The following ZFYVE9 variants were observed in gnomAD, a reference collection of about 807,000 sequenced individuals.
ZFYVE9 encodes zinc finger FYVE-type containing 9, also known as zinc finger FYVE domain-containing protein 9.
Under a neutral mutation model 126.7 loss-of-function variants are expected in ZFYVE9, and 43 were observed. That is an observed-to-expected ratio of 0.34 (90% CI 0.27 to 0.44). The LOEUF (loss-of-function observed/expected upper bound fraction) is 0.44, where lower values mean the gene tolerates loss of function less well. ZFYVE9 is among the 20% of genes least tolerant of loss of function. The pLI is 1.00. For synonymous variants in ZFYVE9, 521 were observed against 597.4 expected, an observed-to-expected ratio of 0.87 and a Z score of 1.87; for missense variants, 1,476 against 1,697.0, an observed-to-expected ratio of 0.87 and a Z score of 2.29.
rs1034956568 is a variant in ZFYVE9, at chr1:52,346,463, A to G, written c.*242A>G. Reference sequence around the variant, plus strand: ...AGATCTGGGCAGCTTCTGTTCCTGCACAACAGTTATGCTATCCTTGCAGCT... The same window carrying G: ...AGATCTGGGCAGCTTCTGTTCCTGCGCAACAGTTATGCTATCCTTGCAGCT... On this transcript the variant is annotated 3_prime_UTR_variant, in exon 19 of 19. Transcript: ENST00000287727. 1.3e-5 allele frequency: 6 copies of G among 448,700 alleles called. No individual in the cohort carries two copies. The highest frequency in any genetic ancestry group is 7.9e-5 in the African/African-American group (4 of 50,788). The allele number at this position is 448,700 out of a possible 1,614,324, so 27.8% of individuals were successfully genotyped here.
chr1:52,163,725 A>G (rs942891580), intron 1 of ZFYVE9, among the ~76,000 whole-genome samples: 18 of 152,250 alleles, frequency 1.2e-4, no homozygotes, highest in Non-Finnish European at 2.2e-4. Context: ...GGTGGCTCAC[A>G]TCTGTAATCC....
rs183186465 is a variant in ZFYVE9, at chr1:52,247,533, G to A, written c.2178+7938G>A. On this transcript the variant is annotated intron_variant, in intron 4 of 18. Coordinates refer to ENST00000287727, the MANE Select transcript of ZFYVE9 (RefSeq NM_004799.4). ...TTTTTTTGAGACGGAGTCTCGCTTC[G>A]TTGCCCAGGCTGGAGTGCAGTGGCG... Among the ~76,000 whole-genome samples the A allele has an allele frequency of 4.8e-3, 732 of 151,910 alleles. 9 individuals carry two copies. Among genetic ancestry groups the A allele is most frequent in the Non-Finnish European group, 4.4e-3 (302 of 67,928 alleles).
intron 1 of ZFYVE9, among the ~76,000 whole-genome samples, chr1:52,148,475 C>G (rs1049165979): frequency 6.6e-6 from 1 of 151,388 alleles, no homozygotes; most frequent in Non-Finnish European, 1.5e-5. Context: ...GCAAGAAGAG[C>G]GAAACTCCAT....
intron 1 of ZFYVE9, among the ~76,000 whole-genome samples, chr1:52,189,693 T>TA (rs397783465): frequency 4.1e-4 from 62 of 151,682 alleles, no homozygotes; most frequent in African/African-American, 1.2e-3. Context: ...TTTTTTTTTT[T>TA]AAACTTGTGC....
intron 10 of ZFYVE9, among the ~76,000 whole-genome samples, chr1:52,282,630 T>A (rs1039500974): frequency 2.6e-5 from 4 of 152,220 alleles, no homozygotes; most frequent in African/African-American, 9.6e-5. Context: ...ATTCAGACTT[T>A]CTTAATGCAA....
intron 2 of ZFYVE9, among the ~76,000 whole-genome samples, chr1:52,221,008 G>A (rs1177296306): frequency 6.6e-6 from 1 of 152,176 alleles, no homozygotes; most frequent in Non-Finnish European, 1.5e-5. Context: ...ATTTTTTGTG[G>A]ACCAAATCTT....
intron 1 of ZFYVE9, among the ~76,000 whole-genome samples, chr1:52,172,362 C>G (rs1219794310): frequency 2.0e-5 from 3 of 152,126 alleles, no homozygotes; most frequent in African/African-American, 7.2e-5. Flanking sequence ...TGATCTATAT[C>G]TCTATTTTGG....
chr1:52,184,226 T>A (rs1644742705), intron 1 of ZFYVE9, among the ~76,000 whole-genome samples: 1 of 145,816 alleles, frequency 6.9e-6, no homozygotes, highest in Non-Finnish European at 1.5e-5. Flanking sequence ...TATATAGATA[T>A]ATATATATAT....
At chr1:52,232,404 T>A (rs1350061690) in intron 2 of ZFYVE9, among the ~76,000 whole-genome samples, 3 of 152,042 alleles carry the variant, frequency 2.0e-5, no homozygotes, top group Non-Finnish European at 4.4e-5. Context: ...AAGAAATGGT[T>A]TAGAAATGGT....
intron 5 of ZFYVE9, among the ~76,000 whole-genome samples, 170 bp from the exon 6 acceptor site, chr1:52,266,485 C>T (rs1269823916): frequency 6.7e-6 from 1 of 150,062 alleles, no homozygotes; most frequent in Non-Finnish European, 1.5e-5. Flanking sequence ...GCTAAATGGT[C>T]TCCTTTATTA....
chr1:52,206,101 GA>G (rs1005171071), intron 1 of ZFYVE9, among the ~76,000 whole-genome samples: 1 of 150,856 alleles, frequency 6.6e-6, no homozygotes, highest in Non-Finnish European at 1.5e-5. Context: ...AGCTAAGTTA[GA>G]AAAAAAAATA....
intron 13 of ZFYVE9, among the ~76,000 whole-genome samples, chr1:52,320,339 G>A (rs1646227902): frequency 6.6e-6 from 1 of 152,068 alleles, no homozygotes; most frequent in African/African-American, 2.4e-5. Flanking sequence ...CAATGTGCTG[G>A]GATTACAGGC....
intron 4 of ZFYVE9, among the ~76,000 whole-genome samples, chr1:52,258,481 A>G (rs1405350526): frequency 6.6e-6 from 1 of 152,182 alleles, no homozygotes; most frequent in Non-Finnish European, 1.5e-5. Context: ...TGCCCAGGAC[A>G]GTACTGTCCT....
chr1:52,307,746 TTTC>T (rs1438246153), intron 13 of ZFYVE9, among the ~76,000 whole-genome samples: 1 of 151,848 alleles, frequency 6.6e-6, no homozygotes, highest in Non-Finnish European at 1.5e-5. Context: ...AATTTTCTTT[TTTC>T]TTCTTTTTTT....
intron 10 of ZFYVE9, among the ~76,000 whole-genome samples, chr1:52,282,539 G>A (rs1358788331): frequency 1.3e-5 from 2 of 151,948 alleles, no homozygotes; most frequent in Non-Finnish European, 2.9e-5. Flanking sequence ...GCCTGGAGAG[G>A]GTGTGAGGGT....
intron 1 of ZFYVE9, among the ~76,000 whole-genome samples, chr1:52,182,457 C>T (rs1253337147): frequency 6.6e-6 from 1 of 152,024 alleles, no homozygotes; most frequent in African/African-American, 2.4e-5. Context: ...TACCCCGAAC[C>T]CTGTGCTCTC....
chr1:52,249,185 G>T (rs1037968655), intron 4 of ZFYVE9, among the ~76,000 whole-genome samples: 1 of 152,152 alleles, frequency 6.6e-6, no homozygotes, highest in African/African-American at 2.4e-5. Context: ...GGGCCTTCCA[G>T]TCATGTTCCC....
rs189533516 is a variant in ZFYVE9, at chr1:52,243,303, G to A, written c.2178+3708G>A. Among the ~76,000 whole-genome samples the A allele has an allele frequency of 3.0e-3, 453 of 152,294 alleles. 2 individuals are homozygous for A. Among genetic ancestry groups the A allele is most frequent in the African/African-American group, 0.01 (430 of 41,562 alleles). On this transcript the variant is annotated intron_variant, in intron 4 of 18. Transcript: ENST00000287727. ...CATGATTTGTGGCAAGGGCGATGAA[G>A]GAGATAAGGAGGGATAATATAAAAA...
At chr1:52,339,809 G>A (rs1646418841) in intron 16 of ZFYVE9, among the ~76,000 whole-genome samples, 1 of 152,216 alleles carries the variant, frequency 6.6e-6, no homozygotes, top group African/African-American at 2.4e-5. Context: ...TGCATTCACT[G>A]AAAGAAGGGA....
Sources: gnomAD v4.1 joint callset for allele counts (sites outside exome capture counted in the v4.1 genomes callset) on GRCh38, gnomAD v4.1.1 for gene constraint, MANE v1.5 for transcripts, NCBI Gene and HGNC (gene_info 2026-07-23, HGNC 2026-07-21) for gene names.